Variants in WDR70 observed in about 807,000 individuals in gnomAD.
The protein encoded by WDR70 is WD repeat-containing protein 70.
A neutral mutation model predicts 88.6 loss-of-function variants in WDR70; 53 were observed. That is an observed-to-expected ratio of 0.60 (90% confidence interval 0.48 to 0.75). The LOEUF (loss-of-function observed/expected upper bound fraction) is 0.75, where lower values mean the gene tolerates loss of function less well. Among genes scored for constraint, WDR70 ranks in the 30% least tolerant of loss-of-function variants. The probability of loss-of-function intolerance (pLI) is 0.00; values close to 1 mark genes in which losing one functional copy is unlikely to be tolerated. For missense variants in WDR70, 610 were observed against 823.2 expected (o/e 0.74, Z 3.17); for synonymous variants, 280 against 270.0 (o/e 1.04, Z -0.36).
In WDR70 at chr5:37,724,920, G is replaced by A; in HGVS notation, c.1598-14G>A. The A allele has an allele frequency of 6.2e-7, 1 of 1,610,890 alleles. No individual in the cohort carries two copies. Among genetic ancestry groups the A allele is most frequent in the South Asian group, 1.1e-5 (1 of 90,674 alleles). On this transcript the variant is annotated splice_polypyrimidine_tract_variant and intron_variant, in intron 15 of 17. Coordinates refer to ENST00000265107, the MANE Select transcript of WDR70 (RefSeq NM_018034.4). ...ATTGTTATAATGAAATTTTTCAAAT[G>A]TGACTTCTTGTAGCTCATGCCTTGC... is the stretch of plus-strand genomic sequence containing the variant.
intron 8 of WDR70, among the ~76,000 whole-genome samples, chr5:37,483,726 G>A (rs565557420): frequency 0.019 from 2,828 of 149,914 alleles, 53 homozygotes; most frequent in Non-Finnish European, 0.033. Flanking sequence ...GCCTGGAGGA[G>A]GTGCCCCCCA....
intron 10 of WDR70, among the ~76,000 whole-genome samples, chr5:37,645,449 A>C (rs1745207414): frequency 6.6e-6 from 1 of 152,094 alleles, no homozygotes. Flanking sequence ...TCTGTTCTGC[A>C]GCCATTGGAC....
chr5:37,476,717 A>AT (rs1204842144), intron 7 of WDR70, among the ~76,000 whole-genome samples: 1 of 151,908 alleles, frequency 6.6e-6, no homozygotes, highest in East Asian at 1.9e-4. Flanking sequence ...CACCTGGCTA[A>AT]TTTTTTGTAT....
At chr5:37,497,316 T>C (rs1457838090) in intron 8 of WDR70, among the ~76,000 whole-genome samples, 5 of 134,368 alleles carry the variant, frequency 3.7e-5, no homozygotes, top group East Asian at 2.5e-4. Flanking sequence ...CCCTTCCCTT[T>C]CCTTCCCTTC....
At chr5:37,720,309 G>A (rs1263415056) in intron 13 of WDR70, among the ~76,000 whole-genome samples, 1 of 152,016 alleles carries the variant, frequency 6.6e-6, no homozygotes, top group Non-Finnish European at 1.5e-5. Flanking sequence ...AGTACATGGG[G>A]TTTCTGTTTA....
intron 8 of WDR70, among the ~76,000 whole-genome samples, chr5:37,501,760 G>T (rs1740411318): frequency 6.6e-6 from 1 of 152,030 alleles, no homozygotes; most frequent in African/African-American, 2.4e-5. Context: ...GTAAGTATTT[G>T]GCTTTATTCC....
At chr5:37,679,638 C>G (rs980472935) in intron 10 of WDR70, among the ~76,000 whole-genome samples, 1 of 152,174 alleles carries the variant, frequency 6.6e-6, no homozygotes, top group Admixed American at 6.5e-5. Flanking sequence ...TCAGTCTGCC[C>G]CTACTGGGGG....
Position 37,506,463 on chromosome 5 carries a change from T to C in WDR70, c.841-10051T>C, listed in dbSNP as rs1329719496. On this transcript the variant is annotated intron_variant, in intron 8 of 17. Coordinates refer to ENST00000265107, the MANE Select transcript of WDR70 (RefSeq NM_018034.4). ...TTGGTCAATTAAGAAGGCTCCTCTA[T>C]GATCTTGCTTATTTCCCCAGACACC... The C allele has an allele frequency of 3.4e-5, 26 of 768,078 alleles. 1 individual carries two copies. The highest frequency in any genetic ancestry group is 5.1e-5 in the African/African-American group (3 of 58,948). The allele number at this position is 768,078 out of a possible 1,614,324, so 47.6% of individuals were successfully genotyped here. A position where few individuals can be genotyped will look rare whatever the true frequency, so the allele number is the denominator to read the frequency against.
chr5:37,469,026 C>T (rs1739248707), intron 7 of WDR70, among the ~76,000 whole-genome samples: 1 of 152,138 alleles, frequency 6.6e-6, no homozygotes, highest in Admixed American at 6.5e-5. Flanking sequence ...AACTTTGATT[C>T]TAATGAGGGA....
intron 5 of WDR70, among the ~76,000 whole-genome samples, chr5:37,420,435 G>C (rs370640679): frequency 7.2e-5 from 11 of 151,774 alleles, no homozygotes; most frequent in South Asian, 4.2e-4. Context: ...AAAAAGATTT[G>C]TTTTTTTCTT....
chr5:37,715,337 CAAAAAAA>C (rs138965709), intron 13 of WDR70, among the ~76,000 whole-genome samples: 1 of 112,990 alleles, frequency 8.9e-6, no homozygotes, highest in African/African-American at 3.7e-5. Flanking sequence ...AGATTTCTGG[CAAAAAAA>C]AAAAAAAAAA....
rs1748843377 is a variant in WDR70, at chr5:37,752,497, A to G, written c.1889A>G (p.Lys630Arg). Residue 630 changes from lysine (K) to arginine (R), a missense_variant, in exon 18 of 18, where the codon AAA becomes AGA. Coordinates refer to ENST00000265107, the MANE Select transcript of WDR70 (RefSeq NM_018034.4). The part of the protein sequence containing the change: ...VSPAYSKTQP[K>R]TMFAQVESDD... ...AACTTTTCTTTTAGGACTCAGCCCAAAACCATGTTTGCCCAAGTTGAATCT... is the reference window on the plus strand; with the variant it reads ...AACTTTTCTTTTAGGACTCAGCCCAGAACCATGTTTGCCCAAGTTGAATCT... The G allele has an allele frequency of 6.2e-7, 1 of 1,612,056 alleles. No individual in the cohort carries two copies. The highest frequency in any genetic ancestry group is 8.5e-7 in the Non-Finnish European group (1 of 1,179,268).
chr5:37,553,197 A>G (rs2112353804), intron 9 of WDR70, among the ~76,000 whole-genome samples: 1 of 152,312 alleles, frequency 6.6e-6, no homozygotes, highest in East Asian at 1.9e-4. Context: ...GAGTGTTGTG[A>G]TCCGGGAGCT....
chr5:37,666,649 A>G (rs1468717892), intron 10 of WDR70, among the ~76,000 whole-genome samples: 1 of 152,212 alleles, frequency 6.6e-6, no homozygotes, highest in Non-Finnish European at 1.5e-5. Flanking sequence ...GCAAGGGAAG[A>G]ACAAGGGTGC....
chr5:37,613,155 G>A (rs933166312), intron 10 of WDR70, among the ~76,000 whole-genome samples: 5 of 152,110 alleles, frequency 3.3e-5, no homozygotes, highest in Admixed American at 1.3e-4. Flanking sequence ...GAGAAAGTTA[G>A]GGTAAAAGGT....
chr5:37,424,981 CG>C (rs1174750049), intron 5 of WDR70, among the ~76,000 whole-genome samples: 2 of 152,148 alleles, frequency 1.3e-5, no homozygotes, highest in African/African-American at 4.8e-5. Context: ...CGGTGGCTCA[CG>C]CCTGTAATCC....
intron 9 of WDR70, among the ~76,000 whole-genome samples, chr5:37,518,522 A>T (rs1328011305): frequency 6.6e-6 from 1 of 152,064 alleles, no homozygotes; most frequent in Non-Finnish European, 1.5e-5. Context: ...TGTTGTTATA[A>T]GTTACTGGAT....
At chr5:37,669,402 A>T (rs201414332) in intron 10 of WDR70, among the ~76,000 whole-genome samples, 10,357 of 48,506 alleles carry the variant, frequency 0.21, 426 homozygotes, top group South Asian at 0.35. Context: ...CTTTTTTTTA[A>T]AAAAAAAAAA....
chr5:37,658,959 C>G (rs1745628636), intron 10 of WDR70, among the ~76,000 whole-genome samples: 1 of 152,142 alleles, frequency 6.6e-6, no homozygotes, highest in Non-Finnish European at 1.5e-5. Context: ...AAGAAGGGGT[C>G]TAGGCAGTTT....
Sources: allele counts gnomAD v4.1 joint callset (sites outside exome capture counted in the v4.1 genomes callset), GRCh38; gene constraint gnomAD v4.1.1; transcripts MANE v1.5; gene names NCBI Gene and HGNC (gene_info 2026-07-23, HGNC 2026-07-21).